Variants in XPNPEP1 observed in about 807,000 individuals in gnomAD.
The protein encoded by XPNPEP1 is X-prolyl aminopeptidase 1, also known as xaa-Pro aminopeptidase 1.
Under a neutral mutation model 92.4 loss-of-function variants are expected in XPNPEP1, and 39 were observed. That is an observed-to-expected ratio of 0.42 (90% CI 0.33 to 0.55). The LOEUF (loss-of-function observed/expected upper bound fraction) is 0.55. Ranked by LOEUF, XPNPEP1 falls within the 20% of genes least tolerant of loss-of-function variation. The pLI is 0.08. For missense variants in XPNPEP1, 654 were observed against 856.1 expected, an observed-to-expected ratio of 0.76 and a Z score of 2.95; for synonymous variants, 307 against 299.4, an observed-to-expected ratio of 1.03 and a Z score of -0.26.
intron 1 of XPNPEP1, among the ~76,000 whole-genome samples, chr10:109,918,547 G>T (rs894173747): frequency 1.3e-5 from 2 of 152,146 alleles, no homozygotes; most frequent in African/African-American, 4.8e-5. Context: ...AGATCACGAG[G>T]TCAGGAGATC....
At position 109,870,849 on chromosome 10, in the gene XPNPEP1, G is replaced by A. The variant is rs372743592; in HGVS notation, c.1578C>T (p.Tyr526=). Residue 526 remains tyrosine (Y), a synonymous_variant, in exon 18 of 21, where the codon TAC becomes TAT. Transcript: ENST00000502935. ...RSALWDSGLD[Y]LHGTGHGVGS... ...CAACACCATGTCCAGTCCCGTGCAA[G>A]TAATCTAGGCCTGAATCCCATAAAG... is the stretch of plus-strand genomic sequence containing the variant. The A allele has an allele frequency of 2.6e-5, 42 of 1,614,004 alleles. No individual in the cohort carries two copies. Among genetic ancestry groups the A allele is most frequent in the Non-Finnish European group, 3.6e-5 (42 of 1,180,028 alleles).
intron 18 of XPNPEP1, among the ~76,000 whole-genome samples, chr10:109,870,299 A>C (rs1458742145): frequency 6.6e-6 from 1 of 152,128 alleles, no homozygotes; most frequent in Non-Finnish European, 1.5e-5. Flanking sequence ...CACTAAATAA[A>C]TCATGGTTCA....
intron 3 of XPNPEP1, among the ~76,000 whole-genome samples, chr10:109,899,212 G>A (rs1020776133): frequency 6.6e-6 from 1 of 152,188 alleles, no homozygotes; most frequent in Non-Finnish European, 1.5e-5. Context: ...AGAGTCACTG[G>A]AAAGTAGCTG....
At chr10:109,919,473 C>G (rs1439497232) in intron 1 of XPNPEP1, among the ~76,000 whole-genome samples, 3 of 152,220 alleles carry the variant, frequency 2.0e-5, no homozygotes, top group Non-Finnish European at 2.9e-5. Context: ...AAAAGATTGA[C>G]AGTAACAAGT....
intron 15 of XPNPEP1, among the ~76,000 whole-genome samples, chr10:109,875,162 C>G (rs1181059890): frequency 6.6e-6 from 1 of 152,170 alleles, no homozygotes; most frequent in Non-Finnish European, 1.5e-5. Flanking sequence ...CAAAATTAAT[C>G]CCTTACTTCA....
rs1286512222 is a variant in XPNPEP1, at chr10:109,875,531, T to C, written c.1388A>G (p.Tyr463Cys). 4 of 1,613,938 alleles carry C rather than the reference T, an allele frequency of 2.5e-6. No individual in the cohort carries two copies. The African/African-American group carries it at 5.3e-5, about 22-fold the overall frequency. ...EVYLIDSGAQ[Y>C]KDGTTDVTRT... ...ACAGCAGTCCTGGTTTACTTACTTG[T>C]ATTGAGCACCCGAGTCAATAAGGTA... Residue 463 changes from tyrosine (Y) to cysteine (C), a missense_variant, in exon 15 of 21, where the codon TAC (tyrosine) becomes TGC (cysteine). Physicochemically the swap from Tyr to Cys is radical, Grantham distance 194. Transcript: ENST00000502935.
chr10:109,872,904 A>G (rs1434332554), intron 16 of XPNPEP1, among the ~76,000 whole-genome samples: 1 of 152,204 alleles, frequency 6.6e-6, no homozygotes, highest in African/African-American at 2.4e-5. Context: ...TCTGCCTCAC[A>G]GCTCTCTTTC....
At chr10:109,881,402 T>C (rs1255292033) in intron 10 of XPNPEP1, among the ~76,000 whole-genome samples, 1 of 152,194 alleles carries the variant, frequency 6.6e-6, no homozygotes, top group Non-Finnish European at 1.5e-5. Context: ...CAGCTACTGA[T>C]AATAATCTGA....
intron 3 of XPNPEP1, among the ~76,000 whole-genome samples, chr10:109,905,330 C>A (rs367725381): frequency 6.6e-6 from 1 of 152,138 alleles, no homozygotes. Flanking sequence ...CCTGCTTCAG[C>A]CTCCTGAGCA....
intron 1 of XPNPEP1, among the ~76,000 whole-genome samples, chr10:109,917,399 T>A (rs905327379): frequency 4.6e-5 from 7 of 152,132 alleles, no homozygotes; most frequent in African/African-American, 7.2e-5. Flanking sequence ...AAACAAAAAA[T>A]AGTTAGAAAT....
At chr10:109,885,782 T>C (rs1848355596) in intron 8 of XPNPEP1, among the ~76,000 whole-genome samples, 1 of 152,210 alleles carries the variant, frequency 6.6e-6, no homozygotes, top group Non-Finnish European at 1.5e-5. Flanking sequence ...ACTGAGAAAC[T>C]ACTATTACAT....
Position 109,870,860 on chromosome 10 carries a change from C to G in XPNPEP1, c.1567G>C (p.Gly523Arg). ...CCAGTCCCGTGCAAGTAATCTAGGC[C>G]TGAATCCCATAAAGCTGAACGGGCA... ...SFARSALWDS[G>R]LDYLHGTGHG... The change falls in exon 18 of 21, where the codon GGC becomes CGC. Residue 523 changes from glycine (G) to arginine (R), a missense_variant. Coordinates refer to ENST00000502935, the MANE Select transcript of XPNPEP1 (RefSeq NM_020383.4). 6.2e-7 allele frequency: 1 copy of G among 1,614,058 alleles called. No homozygotes were observed. Among genetic ancestry groups the G allele is most frequent in the Non-Finnish European group, 8.5e-7 (1 of 1,179,998 alleles).
chr10:109,887,593 C>G (rs1394855720), intron 7 of XPNPEP1, among the ~76,000 whole-genome samples: 1 of 152,092 alleles, frequency 6.6e-6, no homozygotes, highest in African/African-American at 2.4e-5. Flanking sequence ...CCATCACTAT[C>G]GCACAGGCCA....
At chr10:109,886,218 GC>G (rs1848379968) in intron 8 of XPNPEP1, 27 bp downstream of exon 8, 2 of 1,609,982 alleles carry the variant, frequency 1.2e-6, no homozygotes, top group Non-Finnish European at 1.7e-6. Flanking sequence ...CGGGTAACAT[GC>G]CCAAACAGCG....
chr10:109,908,809 A>G (rs1452903067), intron 2 of XPNPEP1, among the ~76,000 whole-genome samples: 2 of 152,218 alleles, frequency 1.3e-5, no homozygotes, highest in African/African-American at 4.8e-5. Flanking sequence ...GCTTTAAAAG[A>G]GTATGTTTTA....
chr10:109,888,252 G>C (rs902993288), intron 6 of XPNPEP1, 60 bp from the exon 7 acceptor site: 62 of 1,572,900 alleles, frequency 3.9e-5, no homozygotes, highest in Non-Finnish European at 5.1e-5. Flanking sequence ...AGGGCAGGGA[G>C]CAGGGCCTTG....
intron 2 of XPNPEP1, among the ~76,000 whole-genome samples, chr10:109,911,761 G>A (rs1444035530): frequency 6.6e-6 from 1 of 152,136 alleles, no homozygotes; most frequent in Non-Finnish European, 1.5e-5. Context: ...TACAGCCTTG[G>A]CTTCAGGAGT....
intron 16 of XPNPEP1, among the ~76,000 whole-genome samples, chr10:109,872,464 G>A (rs1024727175): frequency 2.0e-5 from 3 of 152,234 alleles, no homozygotes; most frequent in Non-Finnish European, 4.4e-5. Context: ...AAGGTGCAGA[G>A]TCAGGACTAA....
At chr10:109,893,266 G>C (rs567887271) in intron 3 of XPNPEP1, 191 bp from the exon 4 acceptor site, 1 of 515,680 alleles carries the variant, frequency 1.9e-6, no homozygotes, top group Non-Finnish European at 3.5e-6. Context: ...AATTAATTAA[G>C]GGCAGAGAGA....
Sources: allele counts gnomAD v4.1 joint callset (sites outside exome capture counted in the v4.1 genomes callset), GRCh38; gene constraint gnomAD v4.1.1; transcripts MANE v1.5; gene names NCBI Gene and HGNC (gene_info 2026-07-23, HGNC 2026-07-21).